Variants in ACLY observed in about 807,000 individuals in gnomAD.
ACLY encodes ATP citrate lyase.
A neutral mutation model predicts 133.0 loss-of-function variants in ACLY; 41 were observed. That is an observed-to-expected ratio of 0.31 (90% confidence interval 0.24 to 0.40). ACLY has a LOEUF of 0.40. ACLY is among the 10% of genes least tolerant of loss of function. ACLY has a pLI of 1.00. For synonymous variants in ACLY, 495 were observed against 549.3 expected, an observed-to-expected ratio of 0.90 and a Z score of 1.38; for missense variants, 1,046 against 1,453.8, an observed-to-expected ratio of 0.72 and a Z score of 4.56.
chr17:41,915,534 G>T (rs1047259671), intron 1 of ACLY, among the ~76,000 whole-genome samples: 1 of 152,080 alleles, frequency 6.6e-6, no homozygotes, highest in Non-Finnish European at 1.5e-5. Flanking sequence ...TGCCTCTGTC[G>T]GCCTCCTAGC....
intron 21 of ACLY, 114 bp downstream of exon 21, chr17:41,878,683 C>T (rs2048825408): frequency 7.4e-7 from 1 of 1,343,710 alleles, no homozygotes. Flanking sequence ...TACAGCTGCG[C>T]TAGACACCGA....
Position 41,878,154 on chromosome 17 carries a change from A to T in ACLY, c.2436T>A (p.Pro812=), listed in dbSNP as rs2048810933. 4 of 1,596,976 alleles carry T rather than the reference A, an allele frequency of 2.5e-6. No homozygotes were observed. Among genetic ancestry groups the T allele is most frequent in the Non-Finnish European group, 3.4e-6 (4 of 1,171,892 alleles). ...CGGTTGGGGGCGGCACCTCCTGGGC[A>T]GGTACAATGACTCCATTGGCCACGA... ...EDLVANGVIV[P]AQEVPPPTVP... is the part of the protein sequence containing the mutation. Residue 812 remains proline (P), a synonymous_variant, in exon 22 of 29, where the codon CCT becomes CCA. Transcript: ENST00000352035.
intron 28 of ACLY, among the ~76,000 whole-genome samples, chr17:41,868,411 C>T (rs1238646426): frequency 7.9e-6 from 1 of 126,288 alleles, no homozygotes; most frequent in Non-Finnish European, 1.6e-5. Context: ...GCACTCCAGC[C>T]TGGTGACAGA....
chr17:41,875,865 C>T (rs1288578424), intron 22 of ACLY, among the ~76,000 whole-genome samples: 1 of 152,140 alleles, frequency 6.6e-6, no homozygotes, highest in Non-Finnish European at 1.5e-5. Flanking sequence ...GGCCGCCACC[C>T]CGTCTGGGAA....
intron 23 of ACLY, among the ~76,000 whole-genome samples, 168 bp downstream of exon 23, chr17:41,873,643 A>G (rs1555625487): frequency 1.3e-5 from 2 of 152,050 alleles, no homozygotes; most frequent in African/African-American, 4.8e-5. Context: ...TCCTTGGAAG[A>G]CTTAGGAATA....
At chr17:41,909,268 C>T (rs1464922330) in intron 5 of ACLY, among the ~76,000 whole-genome samples, 200 bp from the exon 6 acceptor site, 1 of 152,112 alleles carries the variant, frequency 6.6e-6, no homozygotes, top group Non-Finnish European at 1.5e-5. Flanking sequence ...AGCTGTCAGG[C>T]GAGAAGCTGG....
In ACLY at chr17:41,909,017, G is replaced by A; in HGVS notation, c.588C>T (p.Tyr196=). The A allele has an allele frequency of 6.2e-7, 1 of 1,613,520 alleles. No individual in the cohort carries two copies. The highest frequency in any genetic ancestry group is 8.5e-7 in the Non-Finnish European group (1 of 1,179,936). The change falls in exon 6 of 29, where the codon TAC becomes TAT. Residue 196 remains tyrosine, a synonymous_variant. Transcript: ENST00000352035. ...SGLFNFYEDL[Y]FTYLEINPLV... ...GGGGATTGATCTCGAGGTAGGTGAA[G>A]TACAAGTCCTCGTAGAAATTGAAGA...
At chr17:41,917,750 G>A (rs1211475734) in intron 1 of ACLY, among the ~76,000 whole-genome samples, 1 of 152,126 alleles carries the variant, frequency 6.6e-6, no homozygotes, top group African/African-American at 2.4e-5. Context: ...CAGGCATAGT[G>A]TCAGAACGGG....
At chr17:41,903,756 A>C (rs1318207294) in intron 10 of ACLY, among the ~76,000 whole-genome samples, 4 of 644 alleles carry the variant, frequency 6.2e-3, no homozygotes, top group Admixed American at 0.026. Context: ...ACTCTGTCTC[A>C]AAAAAAAAAA....
At chr17:41,877,350 C>A (rs2048788854) in intron 22 of ACLY, among the ~76,000 whole-genome samples, 1 of 150,224 alleles carries the variant, frequency 6.7e-6, no homozygotes, top group African/African-American at 2.4e-5. Flanking sequence ...ACCATGTTGG[C>A]CAGCCTGGTC....
intron 1 of ACLY, among the ~76,000 whole-genome samples, chr17:41,928,490 G>A (rs1399865276): frequency 2.0e-5 from 3 of 151,860 alleles, no homozygotes; most frequent in Non-Finnish European, 4.4e-5. Flanking sequence ...AAATGGTTTT[G>A]GCTATTTTAG....
In ACLY at chr17:41,883,167, G is replaced by A. The variant is rs782181799; in HGVS notation, c.2220C>T (p.Ile740=). The A allele has an allele frequency of 7.4e-6, 12 of 1,614,050 alleles. No individual in the cohort carries two copies. In the Admixed American group the frequency reaches 1.0e-4, roughly 13 times the overall value. The change falls in exon 20 of 29, where the codon ATC becomes ATT. Residue 740 remains isoleucine, a synonymous_variant. Transcript: ENST00000352035. ...CACACGTCCCGATGCACCAGCAGAC[G>A]ATGGGCTTAGTGAGGCGGCCCTCCT... ...GIKEGRLTKP[I]VCWCIGTCAT...
intron 14 of ACLY, 53 bp from the exon 15 acceptor site, chr17:41,893,227 C>T: frequency 1.9e-6 from 3 of 1,562,520 alleles, no homozygotes; most frequent in Middle Eastern, 1.7e-4. Context: ...CCCAGGAGAC[C>T]TGCAGGGGCC....
chr17:41,878,098 C>T lies in ACLY; in HGVS notation c.2487+5G>A, dbSNP rs571629546. 2.0e-6 allele frequency: 3 copies of T among 1,532,656 alleles called. No individual in the cohort carries two copies. The highest frequency in any genetic ancestry group is 2.8e-5 in the African/African-American group (2 of 70,802). 94.9% of individuals were successfully genotyped at this position (1,532,656 alleles called of 1,614,324 possible). A position where few individuals can be genotyped will look rare whatever the true frequency, so the allele number is the denominator to read the frequency against. On this transcript the variant is annotated splice_donor_5th_base_variant and intron_variant, in intron 22 of 28. Transcript: ENST00000352035. Reference sequence around the variant, plus strand: ...CACACTGTTAGAGACATTTAAGGCACCTACCCTGGCCCAGGAGTAGTCCAT... The same window carrying T: ...CACACTGTTAGAGACATTTAAGGCATCTACCCTGGCCCAGGAGTAGTCCAT...
In ACLY at chr17:41,879,748, C is replaced by T. The variant is rs2048866882; in HGVS notation, c.2266-824G>A. ...TCTTTTTTTTTTCGAGACAGGGTCT[C>T]GCTCCAGTTCCCCAGGCTGGAATGC... is the stretch of plus-strand genomic sequence containing the variant. On this transcript the variant is annotated intron_variant, in intron 20 of 28. Transcript: ENST00000352035. 1.4e-5 allele frequency among the ~76,000 whole-genome samples: 2 copies of T among 142,702 alleles called. 1 individual carries two copies. The highest frequency in any genetic ancestry group is 5.0e-4 in the South Asian group (2 of 4,038). 93.6% of individuals were successfully genotyped at this position (142,702 alleles called of 152,430 possible).
intron 20 of ACLY, among the ~76,000 whole-genome samples, chr17:41,879,647 CAAAAAAAAAAAAAAAAAAAAA>C (rs558056100): frequency 0.014 from 484 of 34,226 alleles, 10 homozygotes; most frequent in African/African-American, 0.048. Context: ...GACTCCGTCT[CAAAAAAAAAAAAAAAAAAAAA>C]AAAAAAAAAA....
At chr17:41,907,597 T>A in intron 6 of ACLY, 25 bp from the exon 7 acceptor site, 1 of 1,610,138 alleles carries the variant, frequency 6.2e-7, no homozygotes, top group Non-Finnish European at 8.5e-7. Context: ...GAGGCAATCA[T>A]CAGACACCGG....
chr17:41,874,104 A>C (rs1203491498), intron 22 of ACLY, 139 bp from the exon 23 acceptor site: 5 of 908,208 alleles, frequency 5.5e-6, no homozygotes, highest in South Asian at 5.4e-5. Context: ...AACAACTCTC[A>C]AAGTTTTCCC....
At chr17:41,928,246 G>A (rs1340656517) in intron 1 of ACLY, among the ~76,000 whole-genome samples, 12 of 152,158 alleles carry the variant, frequency 7.9e-5, no homozygotes, top group African/African-American at 2.9e-4. Context: ...TTTGGATTTT[G>A]TCTTTCCATA....
Sources: allele counts gnomAD v4.1 joint callset (sites outside exome capture counted in the v4.1 genomes callset), GRCh38; gene constraint gnomAD v4.1.1; transcripts MANE v1.5; gene names NCBI Gene and HGNC (gene_info 2026-07-23, HGNC 2026-07-21).